The following DNER variants were observed in gnomAD, a reference collection of about 807,000 sequenced individuals.
DNER encodes the protein delta/notch like EGF repeat containing.
Under a neutral mutation model 78.2 loss-of-function variants are expected in DNER, and 33 were observed. The ratio of observed to expected loss-of-function variants is 0.42; its 90% CI spans 0.32 to 0.56. The LOEUF is 0.56. Ranked by LOEUF, DNER falls within the 20% of genes least tolerant of loss-of-function variation. DNER has a pLI of 0.11. For synonymous variants in DNER, 417 were observed against 384.8 expected (o/e 1.08, Z -0.98); for missense variants, 918 against 975.3 (o/e 0.94, Z 0.78).
intron 4 of DNER, among the ~76,000 whole-genome samples, chr2:229,575,861 A>T (rs1279442343): frequency 6.6e-6 from 1 of 152,240 alleles, no homozygotes; most frequent in Non-Finnish European, 1.5e-5. Flanking sequence ...AAAATCCATT[A>T]AGTAATAGAA....
intron 5 of DNER, among the ~76,000 whole-genome samples, chr2:229,534,427 T>A (rs994637319): frequency 6.6e-6 from 1 of 152,242 alleles, no homozygotes; most frequent in Non-Finnish European, 1.5e-5. Flanking sequence ...TAGATTGTAA[T>A]GAAACAGACT....
chr2:229,500,623 G>A (rs979674811), intron 6 of DNER, among the ~76,000 whole-genome samples: 1 of 152,114 alleles, frequency 6.6e-6, no homozygotes, highest in African/African-American at 2.4e-5. Context: ...TCAAGATATG[G>A]ATTCAGTCTA....
chr2:229,488,311 G>T (rs1166786378), intron 6 of DNER, among the ~76,000 whole-genome samples: 16 of 152,204 alleles, frequency 1.1e-4, no homozygotes, highest in Admixed American at 1.0e-3. Flanking sequence ...TGTGGATGTG[G>T]GGATAGATGT....
intron 7 of DNER, among the ~76,000 whole-genome samples, chr2:229,453,770 G>T (rs996631714): frequency 6.6e-6 from 1 of 152,056 alleles, no homozygotes; most frequent in Non-Finnish European, 1.5e-5. Context: ...TTGTATCCCT[G>T]TTGCTCAGCA....
intron 7 of DNER, among the ~76,000 whole-genome samples, chr2:229,471,882 C>T (rs988063097): frequency 2.0e-5 from 3 of 152,168 alleles, no homozygotes; most frequent in Admixed American, 2.0e-4. Context: ...AGCAGTGTGA[C>T]CCCAAACCAC....
intron 1 of DNER, among the ~76,000 whole-genome samples, chr2:229,698,530 A>G (rs1699695239): frequency 6.6e-6 from 1 of 152,188 alleles, no homozygotes; most frequent in Admixed American, 6.5e-5. Flanking sequence ...GAAGCAAGAA[A>G]AACCTTGCAT....
chr2:229,632,830 A>G (rs1482267194), intron 1 of DNER, among the ~76,000 whole-genome samples: 1 of 152,210 alleles, frequency 6.6e-6, no homozygotes, highest in Non-Finnish European at 1.5e-5. Flanking sequence ...TCTTCAAAGG[A>G]TCTAAAAAGA....
intron 12 of DNER, among the ~76,000 whole-genome samples, chr2:229,364,004 TTTTTTTTTTC>T (rs1469374426): frequency 7.4e-6 from 1 of 134,838 alleles, no homozygotes; most frequent in African/African-American, 3.0e-5. Context: ...TTTTTTTTTT[TTTTTTTTTTC>T]TGAGACAGAG....
chr2:229,624,333 A>G (rs1401121746), intron 1 of DNER, among the ~76,000 whole-genome samples: 1 of 152,240 alleles, frequency 6.6e-6, no homozygotes, highest in Non-Finnish European at 1.5e-5. Context: ...ATCCTATGCT[A>G]GCAGCTCAAA....
At chr2:229,395,200 C>T (rs974392259) in intron 10 of DNER, among the ~76,000 whole-genome samples, 1 of 152,124 alleles carries the variant, frequency 6.6e-6, no homozygotes, top group South Asian at 2.1e-4. Flanking sequence ...TAATAACTGG[C>T]AGGTGAGAGA....
chr2:229,387,497 AAGAAAGAAAGAG>A lies in DNER; in HGVS notation c.1855+756_1855+767del, dbSNP rs1481332937. On this transcript the variant is annotated intron_variant, in intron 11 of 12. Coordinates refer to ENST00000341772, the MANE Select transcript of DNER (RefSeq NM_139072.4). ...TAATAGAAAGAAAAAGAAAGAAAGAAAGAAAGAAAGAGAGAAAGAAAGAAAGAAAGAAAGAAA... is the reference window on the plus strand; with the variant it reads ...TAATAGAAAGAAAAAGAAAGAAAGAAAGAAAGAAAGAAAGAAAGAAAGAAA... Among the ~76,000 whole-genome samples, 511 of 103,504 alleles carry A rather than the reference AAGAAAGAAAGAG, an allele frequency of 4.9e-3. 1 individual carries two copies. The highest frequency in any genetic ancestry group is 0.013 in the Middle Eastern group (3 of 230). 67.9% of individuals were successfully genotyped at this position (103,504 alleles called of 152,430 possible). A position where few individuals can be genotyped will look rare whatever the true frequency, so the allele number is the denominator to read the frequency against.
intron 10 of DNER, among the ~76,000 whole-genome samples, chr2:229,392,216 T>TA (rs1372328288): frequency 6.6e-6 from 1 of 150,394 alleles, no homozygotes; most frequent in Non-Finnish European, 1.5e-5. Flanking sequence ...CATGATGGAA[T>TA]AACTGGCACC....
intron 1 of DNER, among the ~76,000 whole-genome samples, chr2:229,677,018 C>T (rs985569489): frequency 2.0e-5 from 3 of 152,172 alleles, no homozygotes; most frequent in Non-Finnish European, 2.9e-5. Context: ...AGAATTCTTG[C>T]TCTTCCCACT....
At chr2:229,439,651 T>A (rs1443964297) in intron 8 of DNER, among the ~76,000 whole-genome samples, 2 of 152,162 alleles carry the variant, frequency 1.3e-5, no homozygotes, top group African/African-American at 4.8e-5. Flanking sequence ...ATCATAATAA[T>A]TTTCAACCAC....
At chr2:229,491,970 CACACACAG>C (rs1553535346) in intron 6 of DNER, among the ~76,000 whole-genome samples, 4 of 144,016 alleles carry the variant, frequency 2.8e-5, no homozygotes, top group East Asian at 4.1e-4. Flanking sequence ...CACACACACA[CACACACAG>C]ACACACAGAC....
chr2:229,361,447 T>C (rs1195637683), intron 12 of DNER, among the ~76,000 whole-genome samples: 3 of 152,198 alleles, frequency 2.0e-5, no homozygotes, highest in African/African-American at 7.2e-5. Context: ...CTGATGCCTG[T>C]TTTTCAAATA....
intron 1 of DNER, among the ~76,000 whole-genome samples, chr2:229,619,848 C>T (rs769434927): frequency 2.0e-5 from 3 of 152,144 alleles, no homozygotes; most frequent in Non-Finnish European, 4.4e-5. Context: ...TATAAACTTA[C>T]TACAGTGATT....
At position 229,382,515 on chromosome 2, in the gene DNER, C is replaced by G. The variant is rs1291204716; in HGVS notation, c.1855+5750G>C. 5.9e-5 allele frequency among the ~76,000 whole-genome samples: 9 copies of G among 151,854 alleles called. No individual in the cohort carries two copies. In the East Asian group the frequency reaches 1.7e-3, roughly 29 times the overall value. On this transcript the variant is annotated intron_variant, in intron 11 of 12. Transcript: ENST00000341772. ...AACCCAATGCAAGGAAGCTAAGAAA[C>G]TTGAAAAAAGGTTAGATGAATTGCT...
intron 1 of DNER, among the ~76,000 whole-genome samples, chr2:229,678,090 C>T (rs1223497632): frequency 6.6e-6 from 1 of 152,174 alleles, no homozygotes; most frequent in Non-Finnish European, 1.5e-5. Flanking sequence ...TACACAAAAT[C>T]ACATATGTCA....
Sources: gnomAD v4.1 joint callset for allele counts (sites outside exome capture counted in the v4.1 genomes callset) on GRCh38, gnomAD v4.1.1 for gene constraint, MANE v1.5 for transcripts, NCBI Gene and HGNC (gene_info 2026-07-23, HGNC 2026-07-21) for gene names.